The following DPP10 variants were observed in gnomAD, a reference collection of about 807,000 sequenced individuals.
DPP10 encodes inactive dipeptidyl peptidase 10.
Under a neutral mutation model 120.9 loss-of-function variants are expected in DPP10, and 33 were observed. That is an observed-to-expected ratio of 0.27 (90% CI 0.21 to 0.37). DPP10 has a LOEUF of 0.37. DPP10 is among the 10% of genes least tolerant of loss of function. DPP10 has a pLI of 1.00. For missense variants in DPP10, 816 were observed against 942.8 expected, an observed-to-expected ratio of 0.87 and a Z score of 1.76; for synonymous variants, 337 against 326.1, an observed-to-expected ratio of 1.03 and a Z score of -0.36.
At chr2:115,600,121 A>C (rs1298948685) in intron 5 of DPP10, among the ~76,000 whole-genome samples, 1 of 152,050 alleles carries the variant, frequency 6.6e-6, no homozygotes, top group Non-Finnish European at 1.5e-5. Flanking sequence ...CCACTGCAGC[A>C]GCAGCTATCT....
At chr2:115,535,146 G>T (rs2078733990) in intron 5 of DPP10, among the ~76,000 whole-genome samples, 1 of 151,984 alleles carries the variant, frequency 6.6e-6, no homozygotes, top group South Asian at 2.1e-4. Context: ...TTTGCCTTTT[G>T]TTGCCATTGC....
chr2:115,005,487 T>C (rs1002624573), intron 1 of DPP10, among the ~76,000 whole-genome samples: 47 of 150,580 alleles, frequency 3.1e-4, no homozygotes, highest in Non-Finnish European at 5.9e-4. Context: ...TAGAAGAATG[T>C]ATAACTAGAA....
intron 1 of DPP10, among the ~76,000 whole-genome samples, chr2:114,787,389 T>A (rs942460734): frequency 2.6e-5 from 4 of 152,200 alleles, no homozygotes; most frequent in African/African-American, 9.6e-5. Flanking sequence ...TAATCCCTGG[T>A]TGGGAAACTC....
intron 1 of DPP10, among the ~76,000 whole-genome samples, chr2:115,190,813 G>A (rs1402123301): frequency 6.6e-6 from 1 of 152,184 alleles, no homozygotes; most frequent in Non-Finnish European, 1.5e-5. Context: ...CATAACAGTC[G>A]CTTTTGTTTA....
chr2:114,863,299 T>C (rs1295226888), intron 1 of DPP10, among the ~76,000 whole-genome samples: 2 of 152,210 alleles, frequency 1.3e-5, no homozygotes, highest in African/African-American at 4.8e-5. Flanking sequence ...TGTTGTACTG[T>C]AGACTTAATT....
At chr2:115,016,293 G>GC (rs2105131217) in intron 1 of DPP10, among the ~76,000 whole-genome samples, 1 of 152,252 alleles carries the variant, frequency 6.6e-6, no homozygotes, top group South Asian at 2.1e-4. Context: ...TGGAAAACTG[G>GC]CTAGCCATAT....
chr2:115,252,018 A>G (rs2058774695), intron 1 of DPP10, among the ~76,000 whole-genome samples: 1 of 152,204 alleles, frequency 6.6e-6, no homozygotes, highest in African/African-American at 2.4e-5. Context: ...CATGCCTATC[A>G]GTTTTGTATT....
chr2:115,037,264 A>T (rs1250528408), intron 1 of DPP10, among the ~76,000 whole-genome samples: 1 of 152,228 alleles, frequency 6.6e-6, no homozygotes, highest in Admixed American at 6.5e-5. Flanking sequence ...AAAGATCGTG[A>T]AAGGAGGAGA....
chr2:115,585,578 TTTC>T (rs1378740655), intron 5 of DPP10, among the ~76,000 whole-genome samples: 1 of 152,228 alleles, frequency 6.6e-6, no homozygotes, highest in African/African-American at 2.4e-5. Flanking sequence ...CCTTCCTTCC[TTTC>T]TTTTTTCCTT....
chr2:114,548,191 G>T lies in DPP10; in HGVS notation c.60+105353G>T, dbSNP rs763099653. Among the ~76,000 whole-genome samples, 4 of 152,166 alleles carry T rather than the reference G, an allele frequency of 2.6e-5. 1 individual carries two copies. Among genetic ancestry groups the T allele is most frequent in the Non-Finnish European group, 5.9e-5 (4 of 68,038 alleles). On this transcript the variant is annotated intron_variant, in intron 1 of 25. Coordinates refer to ENST00000410059, the MANE Select transcript of DPP10 (RefSeq NM_020868.6). ...AAAGACAGAGGCATCTATTATTACC[G>T]TTAAGATGATTCATCTCTATGGAGA...
intron 1 of DPP10, among the ~76,000 whole-genome samples, chr2:114,940,445 G>A (rs1254192200): frequency 4.0e-5 from 6 of 151,434 alleles, no homozygotes; most frequent in East Asian, 3.9e-4. Context: ...GACAGCAGCA[G>A]ACTTCTAAAA....
At chr2:114,587,806 G>C (rs1391517818) in intron 1 of DPP10, among the ~76,000 whole-genome samples, 1 of 152,154 alleles carries the variant, frequency 6.6e-6, no homozygotes, top group East Asian at 1.9e-4. Flanking sequence ...GGAGCACATA[G>C]TACATTGATT....
intron 3 of DPP10, among the ~76,000 whole-genome samples, chr2:115,390,695 G>A (rs1336733275): frequency 2.0e-5 from 3 of 152,044 alleles, no homozygotes; most frequent in African/African-American, 4.8e-5. Context: ...TTGTTTAAAG[G>A]CTAAATACCA....
chr2:115,327,948 A>C (rs1169096277), intron 2 of DPP10, among the ~76,000 whole-genome samples: 1 of 152,064 alleles, frequency 6.6e-6, no homozygotes, highest in Non-Finnish European at 1.5e-5. Flanking sequence ...TTGTATCACA[A>C]GTGAAAATTT....
intron 1 of DPP10, among the ~76,000 whole-genome samples, chr2:114,798,956 C>T (rs1203131185): frequency 6.6e-6 from 1 of 151,960 alleles, no homozygotes; most frequent in Non-Finnish European, 1.5e-5. Flanking sequence ...TGGTGAAACC[C>T]CGTCTCTACT....
chr2:114,934,827 A>G (rs1179698040), intron 1 of DPP10, among the ~76,000 whole-genome samples: 2 of 152,162 alleles, frequency 1.3e-5, no homozygotes, highest in African/African-American at 4.8e-5. Flanking sequence ...CTAGGCTAGA[A>G]TAGAAAGTAG....
intron 1 of DPP10, among the ~76,000 whole-genome samples, chr2:115,133,774 A>C (rs1559132787): frequency 6.6e-6 from 1 of 152,334 alleles, no homozygotes; most frequent in East Asian, 1.9e-4. Context: ...CAAATGAGCT[A>C]AACTGCTTAT....
chr2:115,476,196 A>T (rs1270089756), intron 3 of DPP10, among the ~76,000 whole-genome samples: 1 of 152,210 alleles, frequency 6.6e-6, no homozygotes, highest in South Asian at 2.1e-4. Flanking sequence ...ATTTGAGGTG[A>T]TTGGATCAAC....
chr2:115,626,837 T>C (rs1558944606), intron 5 of DPP10, among the ~76,000 whole-genome samples: 1 of 152,202 alleles, frequency 6.6e-6, no homozygotes, highest in East Asian at 1.9e-4. Flanking sequence ...TTCTTCTTGA[T>C]TGAAGGATGT....
Sources: allele counts gnomAD v4.1 joint callset (sites outside exome capture counted in the v4.1 genomes callset), GRCh38; gene constraint gnomAD v4.1.1; transcripts MANE v1.5; gene names NCBI Gene and HGNC (gene_info 2026-07-23, HGNC 2026-07-21).